The following FCHO1 variants were observed in gnomAD, a reference collection of about 807,000 sequenced individuals.
FCHO1 encodes FCH and mu domain containing endocytic adaptor 1, also known as F-BAR domain only protein 1.
Under a neutral mutation model 114.4 loss-of-function variants are expected in FCHO1, and 45 were observed. That is an observed-to-expected ratio of 0.39 (90% CI 0.31 to 0.50). The LOEUF is 0.50. Ranked by LOEUF, FCHO1 falls within the 20% of genes least tolerant of loss-of-function variation. The probability of loss-of-function intolerance (pLI) is 0.77; values close to 1 mark genes in which losing one functional copy is unlikely to be tolerated. For synonymous variants in FCHO1, 480 were observed against 488.9 expected, an observed-to-expected ratio of 0.98 and a Z score of 0.24; for missense variants, 1,042 against 1,209.6, an observed-to-expected ratio of 0.86 and a Z score of 2.06.
intron 9 of FCHO1, among the ~76,000 whole-genome samples, chr19:17,771,435 G>A (rs2091499994): frequency 6.6e-6 from 1 of 151,378 alleles, no homozygotes; most frequent in African/African-American, 2.4e-5. Context: ...TTGGGAGGCC[G>A]AGGCAGGTGG....
At chr19:17,768,842 A>T (rs577895793) in intron 7 of FCHO1, among the ~76,000 whole-genome samples, 1 of 152,054 alleles carries the variant, frequency 6.6e-6, no homozygotes, top group South Asian at 2.1e-4. Flanking sequence ...GCCAGGAGTG[A>T]ATTTTTAAGT....
chr19:17,780,900 A>T (rs2093341249), intron 20 of FCHO1, among the ~76,000 whole-genome samples: 1 of 152,236 alleles, frequency 6.6e-6, no homozygotes, highest in Non-Finnish European at 1.5e-5. Context: ...GGTAGAGGTC[A>T]CAAAATGGCT....
intron 8 of FCHO1, 104 bp downstream of exon 8, chr19:17,770,681 G>A: frequency 2.5e-6 from 4 of 1,578,756 alleles, no homozygotes; most frequent in Non-Finnish European, 2.6e-6. Context: ...TGGAACCTGT[G>A]GGTGATCACA....
Position 17,771,520 on chromosome 19 carries a change from T to G in FCHO1, c.594+624T>G, listed in dbSNP as rs549262987. Among the ~76,000 whole-genome samples the G allele has an allele frequency of 3.9e-4, 59 of 151,092 alleles. 4 individuals are homozygous for G. The South Asian group carries it at 0.012, about 31-fold the overall frequency. ...CCTCTCTACTAAAAATACAAAAAAA[T>G]TAGCCGGGCGTGGTGGTGGGTGCCT... On this transcript the variant is annotated intron_variant, in intron 9 of 28. Transcript: ENST00000596536.
chr19:17,788,128 C>A, intron 28 of FCHO1, 156 bp from the exon 29 acceptor site: 2 of 646,704 alleles, frequency 3.1e-6, no homozygotes, highest in Non-Finnish European at 5.7e-6. Context: ...CTGCCCCCAA[C>A]AAGGGGCTCC....
In FCHO1 at chr19:17,775,854, G is replaced by T; in HGVS notation, c.1004-129G>T. On this transcript the variant is annotated intron_variant, in intron 15 of 28. Coordinates refer to ENST00000596536, the MANE Select transcript of FCHO1 (RefSeq NM_015122.3). This position sits in a 1 kb window ranked among gnomAD's most constrained non-coding sequence, Gnocchi z 5.1. The stretch of plus-strand genomic sequence containing the variant: ...GGGACATGGTGTCAGGACTGAAGGT[G>T]GCGCGTGGTGAGCGATGGGATTGGG... 9.4e-7 allele frequency: 1 copy of T among 1,058,528 alleles called. No homozygotes were observed. Among genetic ancestry groups the T allele is most frequent in the Non-Finnish European group, 1.4e-6 (1 of 735,914 alleles). 65.6% of individuals were successfully genotyped at this position (1,058,528 alleles called of 1,614,324 possible).
chr19:17,775,872 G>A lies in FCHO1; in HGVS notation c.1004-111G>A, dbSNP rs1280824942. On this transcript the variant is annotated intron_variant, in intron 15 of 28. Coordinates refer to ENST00000596536, the MANE Select transcript of FCHO1 (RefSeq NM_015122.3). This position sits in a 1 kb window ranked among gnomAD's most constrained non-coding sequence, Gnocchi z 5.1. ...TGAAGGTGGCGCGTGGTGAGCGATG[G>A]GATTGGGCAGGACCTCGAAGGGTTT... is the stretch of plus-strand genomic sequence containing the variant. 5.4e-6 allele frequency: 7 copies of A among 1,302,640 alleles called. No individual in the cohort carries two copies. The highest frequency in any genetic ancestry group is 1.1e-6 in the Non-Finnish European group (1 of 943,036). The allele number at this position is 1,302,640 out of a possible 1,614,324, so 80.7% of individuals were successfully genotyped here.
In FCHO1 at chr19:17,784,828, G is replaced by A; in HGVS notation, c.2330G>A (p.Gly777Asp). The change falls in exon 26 of 29, where the codon GGT (glycine) becomes GAT (aspartate). Residue 777 changes from glycine (G) to aspartate (D), a missense_variant. Gly to Asp is a moderately conservative substitution (Grantham distance 94, BLOSUM62 -1). Around this residue, in one of 3 missense-constraint regions of FCHO1, gnomAD observed 137 missense variants for 190.0 expected, o/e 0.72. Coordinates refer to ENST00000596536, the MANE Select transcript of FCHO1 (RefSeq NM_015122.3). This position sits in a 1 kb window ranked among gnomAD's most constrained non-coding sequence, Gnocchi z 5.3. ...TCAGTGGAGTACGGCTACCGGCCCG[G>A]TGCCACGGCTGTGCCCACACCACTC... The part of the protein sequence containing the change: ...QVSVEYGYRP[G>D]ATAVPTPLTN... 6.2e-7 allele frequency: 1 copy of A among 1,614,016 alleles called. No homozygotes were observed. The highest frequency in any genetic ancestry group is 8.5e-7 in the Non-Finnish European group (1 of 1,180,032).
intron 4 of FCHO1, among the ~76,000 whole-genome samples, chr19:17,760,581 A>G (rs986836888): frequency 6.6e-6 from 1 of 152,212 alleles, no homozygotes; most frequent in Non-Finnish European, 1.5e-5. Context: ...AACTATTAAT[A>G]ACTAATGTTA....
At position 17,783,074 on chromosome 19, in the gene FCHO1, T is replaced by G. The variant is rs2093568605; in HGVS notation, c.1995T>G (p.Arg665=). 1.2e-6 allele frequency: 2 copies of G among 1,614,028 alleles called. No individual in the cohort carries two copies. Among genetic ancestry groups the G allele is most frequent in the Non-Finnish European group, 1.7e-6 (2 of 1,179,988 alleles). ...LTMTFPAGIV[R]VFSGTPPPPV... is the part of the protein sequence containing the mutation. ...TGACCTTCCCTGCTGGCATCGTGCG[T>G]GTGTTCAGCGGGACCCCACCACCAC... Residue 665 remains arginine, a synonymous_variant, in exon 24 of 29, where the codon CGT becomes CGG. Coordinates refer to ENST00000596536, the MANE Select transcript of FCHO1 (RefSeq NM_015122.3).
At position 17,778,670 on chromosome 19, in the gene FCHO1, C is replaced by T. The variant is rs978409030; in HGVS notation, c.1413C>T (p.Asn471=). ...CTTTCTCCTCCTCGTCGCCCGAAAA[C>T]GTGGAGGATTCCGGCCTGGACTCTC... ...PSPFSSSSPE[N]VEDSGLDSPS... Residue 471 remains asparagine (N), a synonymous_variant, in exon 20 of 29, where the codon AAC becomes AAT. Coordinates refer to ENST00000596536, the MANE Select transcript of FCHO1 (RefSeq NM_015122.3). 39 of 1,571,530 alleles carry T rather than the reference C, an allele frequency of 2.5e-5. No individual in the cohort carries two copies. Among genetic ancestry groups the T allele is most frequent in the Non-Finnish European group, 3.3e-5 (38 of 1,162,908 alleles).
At position 17,772,569 on chromosome 19, in the gene FCHO1, G is replaced by A. The variant is rs373999164; in HGVS notation, c.693+14G>A. ...CAGATTGGGCAGGTGAGTTGGGCAG[G>A]TGTGAGGAATGAGGCTGGGGTCACT... On this transcript the variant is annotated intron_variant, in intron 10 of 28. Transcript: ENST00000596536. 1.5e-5 allele frequency: 24 copies of A among 1,613,864 alleles called. No individual in the cohort carries two copies. The African/African-American group carries it at 3.2e-4, about 22-fold the overall frequency.
At position 17,776,052 on chromosome 19, in the gene FCHO1, A is replaced by G. The variant is rs772977801; in HGVS notation, c.1073A>G (p.Tyr358Cys). ...GACGATGAAGAGCCCCGCAAGTTCTATGTGCACATCAAGCCTGCCCCGGCC... is the reference window on the plus strand; with the variant it reads ...GACGATGAAGAGCCCCGCAAGTTCTGTGTGCACATCAAGCCTGCCCCGGCC... The part of the protein sequence containing the change: ...DFDDEEPRKF[Y>C]VHIKPAPARA... The change falls in exon 16 of 29, where the codon TAT becomes TGT. Residue 358 changes from tyrosine (Y) to cysteine (C), a missense_variant. Physicochemically the swap from Tyr to Cys is radical, Grantham distance 194 (BLOSUM62 -2). Coordinates refer to ENST00000596536, the MANE Select transcript of FCHO1 (RefSeq NM_015122.3). The surrounding 1 kb of genome is among the most constrained non-coding windows in gnomAD (Gnocchi z 4.4). The G allele has an allele frequency of 6.2e-6, 10 of 1,610,972 alleles. No individual in the cohort carries two copies. Among genetic ancestry groups the G allele is most frequent in the Admixed American group, 1.7e-5 (1 of 60,002 alleles).
chr19:17,748,290 A>G (rs1599486745), upstream of FCHO1, among the ~76,000 whole-genome samples: 1 of 151,814 alleles, frequency 6.6e-6, no homozygotes, highest in South Asian at 2.1e-4. Flanking sequence ...GTGAACCCCT[A>G]TCCAGGCCTG....
intron 3 of FCHO1, 145 bp from the exon 4 acceptor site, chr19:17,754,973 T>C (rs2082952868): frequency 1.5e-6 from 1 of 658,960 alleles, no homozygotes; most frequent in African/African-American, 1.8e-5. Flanking sequence ...GGCTGAATTA[T>C]CTCAGGGGTC....
intron 18 of FCHO1, among the ~76,000 whole-genome samples, chr19:17,777,494 C>A (rs1461683889): frequency 5.3e-5 from 7 of 131,040 alleles, no homozygotes; most frequent in Non-Finnish European, 7.7e-5. Context: ...CACTGTTGTG[C>A]CATTGCATTC....
intron 20 of FCHO1, among the ~76,000 whole-genome samples, chr19:17,779,433 C>CT: frequency 6.6e-6 from 1 of 151,782 alleles, no homozygotes; most frequent in Middle Eastern, 3.4e-3. Flanking sequence ...AAACCAGAGA[C>CT]TGGGGAGGCA....
Position 17,776,074 on chromosome 19 carries a change from G to T in FCHO1, c.1095G>T (p.Pro365=). The part of the protein sequence containing the change: ...RKFYVHIKPA[P]ARAPACSPEA... The stretch of plus-strand genomic sequence containing the variant: ...TCTATGTGCACATCAAGCCTGCCCC[G>T]GCCCGGGCTCCAGCCTGCAGCCCCG... The change falls in exon 16 of 29, where the codon CCG becomes CCT. Residue 365 remains proline (P), a synonymous_variant. Transcript: ENST00000596536. This position sits in a 1 kb window ranked among gnomAD's most constrained non-coding sequence, Gnocchi z 4.4. 1 of 1,611,678 alleles carries T rather than the reference G, an allele frequency of 6.2e-7. No individual in the cohort carries two copies.
At position 17,784,681 on chromosome 19, in the gene FCHO1, G is replaced by C. The variant is rs751586044; in HGVS notation, c.2227-44G>C. 6.3e-7 allele frequency: 1 copy of C among 1,590,640 alleles called. No individual in the cohort carries two copies. The highest frequency in any genetic ancestry group is 1.1e-5 in the South Asian group (1 of 90,658). On this transcript the variant is annotated intron_variant, in intron 25 of 28. Coordinates refer to ENST00000596536, the MANE Select transcript of FCHO1 (RefSeq NM_015122.3). This position sits in a 1 kb window ranked among gnomAD's most constrained non-coding sequence, Gnocchi z 5.3. ...AATAGCGCATGGTGTGGCAAGACAG[G>C]ATGGCCCAAGCTGTGTCCTCTCTCT... is the stretch of plus-strand genomic sequence containing the variant.
Sources: gnomAD v4.1 joint callset for allele counts (sites outside exome capture counted in the v4.1 genomes callset) on GRCh38, gnomAD v4.1.1 for gene constraint, gnomAD v4.1.1 regional missense constraint, Gnocchi (gnomAD v3.1) non-coding constraint, MANE v1.5 for transcripts, NCBI Gene and HGNC (gene_info 2026-07-23, HGNC 2026-07-21) for gene names.